Variants in FANCB observed in about 807,000 individuals in gnomAD.
FANCB encodes Fanconi anemia group B protein.
A neutral mutation model predicts 38.9 loss-of-function variants in FANCB; 5 were observed. The ratio of observed to expected loss-of-function variants is 0.13; its 90% CI spans 0.07 to 0.27. FANCB has a LOEUF of 0.27. Among genes scored for constraint, FANCB ranks in the 10% least tolerant of loss-of-function variants. The pLI is 1.00. For synonymous variants in FANCB, 236 were observed against 215.4 expected (o/e 1.10, Z -0.84); for missense variants, 573 against 602.7 (o/e 0.95, Z 0.52).
At chrX:14,742,126 A>G in the FANCB span, among the ~76,000 whole-genome samples, 1 of 111,750 alleles carries the variant, frequency 8.9e-6, no homozygotes, top group Non-Finnish European at 1.9e-5. Flanking sequence ...GAATATCAAT[A>G]TCATACCTCA....
the FANCB span, among the ~76,000 whole-genome samples, chrX:14,701,755 G>A: frequency 8.9e-6 from 1 of 112,574 alleles, no homozygotes; most frequent in East Asian, 2.8e-4. Context: ...TATTTCTATA[G>A]TTACCAAATT....
rs754738590 is a variant in FANCB, at chrX:14,850,694, T to A, written c.1327-20A>T. The A allele has an allele frequency of 2.0e-6, 2 of 996,789 alleles. No individual in the cohort carries two copies. The allele number at this position is 996,789 out of a possible 1,213,427, so 82.1% of individuals were successfully genotyped here. A position where few individuals can be genotyped will look rare whatever the true frequency, so the allele number is the denominator to read the frequency against. On this transcript the variant is annotated intron_variant, in intron 6 of 9. Coordinates refer to ENST00000650831, the MANE Select transcript of FANCB (RefSeq NM_001018113.3). ...TTCCTTCTAAAAAAAAAAGTTTAAA[T>A]AACTGATTATAAAATACGTACCGTC... is the stretch of plus-strand genomic sequence containing the variant.
chrX:14,741,940 T>C, the FANCB span, among the ~76,000 whole-genome samples: 2 of 111,525 alleles, frequency 1.8e-5, no homozygotes, highest in Non-Finnish European at 3.8e-5. Flanking sequence ...ATTATTTGAG[T>C]TTCTATTAGA....
chrX:14,797,198 C>T, the FANCB span, among the ~76,000 whole-genome samples: 1 of 112,091 alleles, frequency 8.9e-6, no homozygotes, highest in Non-Finnish European at 1.9e-5. Flanking sequence ...TCCTTGCTGG[C>T]TGTTAGCAGG....
the FANCB span, among the ~76,000 whole-genome samples, chrX:14,804,637 A>G: frequency 8.9e-6 from 1 of 111,875 alleles, no homozygotes; most frequent in Non-Finnish European, 1.9e-5. Flanking sequence ...AGTATAATAA[A>G]AAAATAAAAA....
chrX:14,765,378 C>T, the FANCB span, among the ~76,000 whole-genome samples: 4 of 111,847 alleles, frequency 3.6e-5, no homozygotes, highest in South Asian at 1.1e-3. Context: ...ATCTGTTACA[C>T]AGTAAGAGAG....
intron 9 of FANCB, 70 bp from the exon 10 acceptor site, chrX:14,844,051 G>T: frequency 1.2e-6 from 1 of 844,573 alleles, no homozygotes; most frequent in Non-Finnish European, 1.7e-6. Context: ...ACAATATACT[G>T]CAGTAATCAA....
At chrX:14,758,702 G>A in the FANCB span, among the ~76,000 whole-genome samples, 1 of 111,869 alleles carries the variant, frequency 8.9e-6, no homozygotes, top group Non-Finnish European at 1.9e-5. Flanking sequence ...AGCACCCTGT[G>A]GGGGACAAAA....
chrX:14,841,159 T>C (rs1210500596), downstream of FANCB, among the ~76,000 whole-genome samples: 1 of 112,289 alleles, frequency 8.9e-6, no homozygotes, highest in African/African-American at 3.2e-5. Flanking sequence ...ATTCTTTCCA[T>C]TGCACCACAC....
the FANCB span, among the ~76,000 whole-genome samples, chrX:14,788,152 A>G: frequency 9.2e-6 from 1 of 108,674 alleles, no homozygotes; most frequent in Non-Finnish European, 1.9e-5. Flanking sequence ...GGAAGCCTGT[A>G]TTGTGACCAG....
At chrX:14,772,791 C>T in the FANCB span, among the ~76,000 whole-genome samples, 1 of 111,733 alleles carries the variant, frequency 8.9e-6, no homozygotes, top group Non-Finnish European at 1.9e-5. Flanking sequence ...GTGTACCAGA[C>T]CCAAGGCCCT....
At chrX:14,838,918 C>A (rs902272376), downstream of FANCB, among the ~76,000 whole-genome samples, 6 of 112,052 alleles carry the variant, frequency 5.4e-5, no homozygotes, top group African/African-American at 1.9e-4. Context: ...ATTCCTAGAA[C>A]AATATAAATT....
Position 14,843,807 on chromosome X carries a change from A to T in FANCB, c.2340T>A (p.His780Gln). ...LSSLSSAIAK[H>Q]ESNFMQRCEV... ...CACACCTCTGCATAAAATTGCTTTCATGTTTAGCTATGGCAGAAGAAAGAG... is the reference window on the plus strand; with the variant it reads ...CACACCTCTGCATAAAATTGCTTTCTTGTTTAGCTATGGCAGAAGAAAGAG... Residue 780 changes from histidine to glutamine, a missense_variant, in exon 10 of 10, where the codon CAT becomes CAA. Coordinates refer to ENST00000650831, the MANE Select transcript of FANCB (RefSeq NM_001018113.3). 8.3e-7 allele frequency: 1 copy of T among 1,210,360 alleles called. No individual in the cohort carries two copies. The highest frequency in any genetic ancestry group is 1.8e-5 in the South Asian group (1 of 56,973).
At chrX:14,808,376 G>T in the FANCB span, among the ~76,000 whole-genome samples, 3 of 110,973 alleles carry the variant, frequency 2.7e-5, no homozygotes, top group Middle Eastern at 4.6e-3. Context: ...TGACCAAGTG[G>T]GATTTATCTC....
In FANCB at chrX:14,844,840, G is replaced by A; in HGVS notation, c.1927+16C>T. On this transcript the variant is annotated intron_variant, in intron 8 of 9. Coordinates refer to ENST00000650831, the MANE Select transcript of FANCB (RefSeq NM_001018113.3). ...ATTCAATTAAATATATAATCTAAAAGTGCCAACAAAATTACCTATAGGTTT... is the reference window on the plus strand; with the variant it reads ...ATTCAATTAAATATATAATCTAAAAATGCCAACAAAATTACCTATAGGTTT... 8.4e-7 allele frequency: 1 copy of A among 1,190,545 alleles called. No homozygotes were observed. The highest frequency in any genetic ancestry group is 1.1e-6 in the Non-Finnish European group (1 of 878,374).
At chrX:14,835,805 T>G (rs933353360), downstream of FANCB, among the ~76,000 whole-genome samples, 3 of 112,280 alleles carry the variant, frequency 2.7e-5, no homozygotes, top group Non-Finnish European at 5.6e-5. Flanking sequence ...GAAATTGGAA[T>G]CCTTGTACAC....
At chrX:14,736,357 C>T in the FANCB span, among the ~76,000 whole-genome samples, 1 of 111,554 alleles carries the variant, frequency 9.0e-6, no homozygotes, top group Admixed American at 9.4e-5. Context: ...AAACCCAGGG[C>T]CCTGGTGGTG....
At chrX:14,716,823 C>T in the FANCB span, among the ~76,000 whole-genome samples, 1 of 110,778 alleles carries the variant, frequency 9.0e-6, no homozygotes, top group East Asian at 2.9e-4. Context: ...AAATTAATAC[C>T]TAAAACCAAT....
chrX:14,836,571 TAAAC>T (rs895210142), intron 10 of FANCB, among the ~76,000 whole-genome samples: 14 of 112,185 alleles, frequency 1.2e-4, no homozygotes. Flanking sequence ...CGCAATAAAA[TAAAC>T]CAATTTTTCA....
Sources: gnomAD v4.1 joint callset for allele counts (sites outside exome capture counted in the v4.1 genomes callset) on GRCh38, gnomAD v4.1.1 for gene constraint, MANE v1.5 for transcripts, NCBI Gene and HGNC (gene_info 2026-07-23, HGNC 2026-07-21) for gene names.